CDH19: variants seen among roughly 807,000 people sequenced by gnomAD.
CDH19 encodes cadherin 19.
In CDH19, 67 loss-of-function variants were observed where a neutral mutation model predicts 64.2. The observed-to-expected ratio is 1.04, with a 90% CI of 0.86 to 1.28. The LOEUF (loss-of-function observed/expected upper bound fraction) is 1.28, where lower values mean the gene tolerates loss of function less well. Among genes scored for constraint, CDH19 ranks in the 50% most tolerant of loss-of-function variants. CDH19 has a pLI of 0.00. For synonymous variants in CDH19, 346 were observed against 319.3 expected, an observed-to-expected ratio of 1.08 and a Z score of -0.89; for missense variants, 1,030 against 929.0, an observed-to-expected ratio of 1.11 and a Z score of -1.41.
Position 66,502,497 on chromosome 18 carries a change from A to G in CDH19, c.*2315T>C, listed in dbSNP as rs1984988845. The G allele has an allele frequency of 6.6e-6, 1 of 151,822 alleles. No homozygotes were observed. 9.4% of individuals were successfully genotyped at this position (151,822 alleles called of 1,614,324 possible). A position where few individuals can be genotyped will look rare whatever the true frequency, so the allele number is the denominator to read the frequency against. Reference sequence around the variant, plus strand: ...ATTTCCGTCATCTCCAGAAAGCCTTATTTACTTTTTCTCGTCTATTTTCCA... The same window carrying G: ...ATTTCCGTCATCTCCAGAAAGCCTTGTTTACTTTTTCTCGTCTATTTTCCA... On this transcript the variant is annotated 3_prime_UTR_variant, in exon 12 of 12. Coordinates refer to ENST00000262150, the MANE Select transcript of CDH19 (RefSeq NM_021153.4).
intron 9 of CDH19, among the ~76,000 whole-genome samples, chr18:66,521,650 C>T (rs1985991488): frequency 6.6e-6 from 1 of 151,792 alleles, no homozygotes; most frequent in African/African-American, 2.4e-5. Flanking sequence ...ATCCTCCCTC[C>T]TCAGCATCCT....
At chr18:66,519,745 C>T (rs887169418) in intron 9 of CDH19, among the ~76,000 whole-genome samples, 2 of 152,062 alleles carry the variant, frequency 1.3e-5, no homozygotes, top group Non-Finnish European at 2.9e-5. Flanking sequence ...AAACAAAAAA[C>T]AAAAGACATT....
In CDH19 at chr18:66,543,288, A is replaced by G. The variant is rs571034674; in HGVS notation, c.1214+683T>C. On this transcript the variant is annotated intron_variant, in intron 7 of 11. Transcript: ENST00000262150. ...GTGATCCGCCCGCCTCGGCCTCCCAAAGTGCTGGGATTACAGGCGTGAGCC... is the reference window on the plus strand; with the variant it reads ...GTGATCCGCCCGCCTCGGCCTCCCAGAGTGCTGGGATTACAGGCGTGAGCC... 3.3e-5 allele frequency among the ~76,000 whole-genome samples: 5 copies of G among 152,020 alleles called. No individual in the cohort carries two copies. In the South Asian group the frequency reaches 8.3e-4, roughly 25 times the overall value.
chr18:66,558,800 T>C (rs772213981), intron 3 of CDH19, among the ~76,000 whole-genome samples: 3 of 152,078 alleles, frequency 2.0e-5, no homozygotes, highest in Non-Finnish European at 4.4e-5. Flanking sequence ...CTAACACTTG[T>C]TGGTTTAGAC....
chr18:66,521,192 AT>A (rs1455397727), intron 9 of CDH19, among the ~76,000 whole-genome samples: 2 of 152,064 alleles, frequency 1.3e-5, no homozygotes, highest in Admixed American at 1.3e-4. Flanking sequence ...GATCTGATAA[AT>A]TTTTTAAATG....
intron 1 of CDH19, among the ~76,000 whole-genome samples, chr18:66,603,129 C>G (rs1386943101): frequency 6.6e-6 from 1 of 150,520 alleles, no homozygotes; most frequent in Non-Finnish European, 1.5e-5. Context: ...CTTTGCCACT[C>G]TATTTAGGTA....
At chr18:66,581,146 T>C (rs2144602784) in intron 1 of CDH19, among the ~76,000 whole-genome samples, 1 of 152,276 alleles carries the variant, frequency 6.6e-6, no homozygotes, top group Non-Finnish European at 1.5e-5. Context: ...TGTCTTATGT[T>C]AGTGTGTTTT....
At chr18:66,535,935 A>C (rs537667613) in intron 7 of CDH19, among the ~76,000 whole-genome samples, 1 of 146,670 alleles carries the variant, frequency 6.8e-6, no homozygotes, top group African/African-American at 2.5e-5. Flanking sequence ...TGTTTTATAT[A>C]TATACACACA....
chr18:66,588,934 CAA>C (rs1283403552), intron 1 of CDH19, among the ~76,000 whole-genome samples: 1 of 151,272 alleles, frequency 6.6e-6, no homozygotes, highest in Non-Finnish European at 1.5e-5. Context: ...AGAGAATAAA[CAA>C]ATAATGCTTC....
chr18:66,546,794 A>G (rs1319721623), intron 5 of CDH19, among the ~76,000 whole-genome samples: 1 of 152,148 alleles, frequency 6.6e-6, no homozygotes, highest in Non-Finnish European at 1.5e-5. Flanking sequence ...GGGGAAATAT[A>G]ATTTCAAGAA....
At chr18:66,561,026 A>C (rs1987702532) in intron 3 of CDH19, among the ~76,000 whole-genome samples, 1 of 152,102 alleles carries the variant, frequency 6.6e-6, no homozygotes, top group East Asian at 1.9e-4. Flanking sequence ...ATAAGTATTT[A>C]CATCATTTAA....
intron 5 of CDH19, among the ~76,000 whole-genome samples, chr18:66,547,661 GTTTT>G (rs71169155): frequency 1.2e-5 from 1 of 80,144 alleles, no homozygotes; most frequent in Non-Finnish European, 2.3e-5. Flanking sequence ...TGTGTGTTAG[GTTTT>G]TTTTTTTTTT....
intron 10 of CDH19, among the ~76,000 whole-genome samples, chr18:66,510,006 A>G (rs114339094): frequency 0.022 from 3,314 of 151,954 alleles, 129 homozygotes; most frequent in African/African-American, 0.074. Context: ...ACAAATATGC[A>G]ATGACTCTTC....
chr18:66,544,691 G>T (rs1455290043), intron 6 of CDH19, 28 bp downstream of exon 6: 1 of 1,512,260 alleles, frequency 6.6e-7, no homozygotes, highest in South Asian at 1.2e-5. Flanking sequence ...GCGCTATTCT[G>T]CAAGGCAAAT....
intron 9 of CDH19, 81 bp from the exon 10 acceptor site, chr18:66,511,766 T>C: frequency 1.4e-6 from 1 of 727,238 alleles, no homozygotes; most frequent in Admixed American, 2.3e-5. Flanking sequence ...TTAGCTTTTA[T>C]TCACATTGCT....
chr18:66,535,731 A>C (rs1482451858), intron 7 of CDH19, among the ~76,000 whole-genome samples: 2 of 147,196 alleles, frequency 1.4e-5, no homozygotes, highest in Admixed American at 1.4e-4. Flanking sequence ...TATTTAATAC[A>C]TATATGCTTT....
intron 1 of CDH19, among the ~76,000 whole-genome samples, chr18:66,577,389 A>G (rs900129834): frequency 1.3e-5 from 2 of 151,916 alleles, no homozygotes; most frequent in African/African-American, 4.8e-5. Context: ...CAAATAATTT[A>G]GTAGAACAAA....
intron 3 of CDH19, among the ~76,000 whole-genome samples, chr18:66,558,183 T>C (rs899816674): frequency 4.0e-5 from 6 of 148,442 alleles, no homozygotes; most frequent in Non-Finnish European, 8.9e-5. Flanking sequence ...ATATATAATA[T>C]ATATATTTAA....
At chr18:66,585,031 C>T (rs1988535512) in intron 1 of CDH19, among the ~76,000 whole-genome samples, 1 of 151,880 alleles carries the variant, frequency 6.6e-6, no homozygotes, top group African/African-American at 2.4e-5. Flanking sequence ...GGAGGAGGTA[C>T]ATAAAATTGG....
Sources: allele counts gnomAD v4.1 joint callset (sites outside exome capture counted in the v4.1 genomes callset), GRCh38; gene constraint gnomAD v4.1.1; transcripts MANE v1.5; gene names NCBI Gene and HGNC (gene_info 2026-07-23, HGNC 2026-07-21).